KMO: variants seen among roughly 807,000 people sequenced by gnomAD.
KMO encodes kynurenine 3-hydroxylase.
KMO carries 24 observed loss-of-function variants against 57.8 expected under a neutral mutation model. The observed-to-expected ratio is 0.42, with a 90% CI of 0.30 to 0.58. The LOEUF (loss-of-function observed/expected upper bound fraction) is 0.58, where lower values mean the gene tolerates loss of function less well. Ranked by LOEUF, KMO falls within the 20% of genes least tolerant of loss-of-function variation. KMO has a pLI of 0.22. For synonymous variants in KMO, 210 were observed against 193.6 expected (o/e 1.08, Z -0.70); for missense variants, 483 against 588.2 (o/e 0.82, Z 1.85).
At chr1:241,554,255 CT>C (rs1661520804) in intron 4 of KMO, among the ~76,000 whole-genome samples, 2 of 149,528 alleles carry the variant, frequency 1.3e-5, no homozygotes, top group African/African-American at 4.9e-5. Flanking sequence ...TCCTTCCTTC[CT>C]TCCTTCCTTC....
chr1:241,579,786 C>T (rs943786696), intron 10 of KMO, among the ~76,000 whole-genome samples: 1 of 152,148 alleles, frequency 6.6e-6, no homozygotes. Context: ...CCAGTTCTGG[C>T]CAAGAGAGTT....
At chr1:241,542,612 G>A (rs1660998438) in intron 1 of KMO, among the ~76,000 whole-genome samples, 2 of 152,214 alleles carry the variant, frequency 1.3e-5, no homozygotes. Flanking sequence ...GAACAGTCCT[G>A]TCTCTATTAA....
intron 10 of KMO, among the ~76,000 whole-genome samples, chr1:241,575,165 T>A (rs1473354270): frequency 6.6e-6 from 1 of 152,112 alleles, no homozygotes; most frequent in Non-Finnish European, 1.5e-5. Context: ...TTATATTTTC[T>A]TGGTTAAACT....
At position 241,548,853 on chromosome 1, in the gene KMO, C is replaced by T; in HGVS notation, c.79C>T (p.Leu27Phe). Residue 27 changes from leucine to phenylalanine, a missense_variant, in exon 2 of 15, where the codon CTT becomes TTT. Coordinates refer to ENST00000366559, the MANE Select transcript of KMO (RefSeq NM_003679.5). ...GLVGSLQACF[L>F]AKRNFQIDVY... ...GGTTGGCTCATTACAAGCATGCTTT[C>T]TTGCAAAGAGGAATTTCCAGATTGA... The T allele has an allele frequency of 6.2e-7, 1 of 1,603,946 alleles. No individual in the cohort carries two copies. Among genetic ancestry groups the T allele is most frequent in the Non-Finnish European group, 8.5e-7 (1 of 1,171,464 alleles).
intron 1 of KMO, among the ~76,000 whole-genome samples, chr1:241,536,797 C>A (rs181642015): frequency 6.6e-6 from 1 of 152,090 alleles, no homozygotes; most frequent in Non-Finnish European, 1.5e-5. Context: ...GAGATTTGTA[C>A]GTATTTTGAC....
chr1:241,569,920 T>C (rs1662215542), intron 10 of KMO, among the ~76,000 whole-genome samples: 1 of 152,082 alleles, frequency 6.6e-6, no homozygotes, highest in Non-Finnish European at 1.5e-5. Context: ...TAGCAATTTT[T>C]CATATACCCA....
chr1:241,548,428 G>A (rs1013668266), intron 1 of KMO, among the ~76,000 whole-genome samples: 2 of 152,120 alleles, frequency 1.3e-5, no homozygotes, highest in Non-Finnish European at 2.9e-5. Flanking sequence ...CTGGGGAGGA[G>A]GTGGGGGGAG....
chr1:241,594,457 C>A lies in KMO; in HGVS notation c.*2304C>A. On this transcript the variant is annotated 3_prime_UTR_variant, in exon 15 of 15. Coordinates refer to ENST00000366559, the MANE Select transcript of KMO (RefSeq NM_003679.5). ...AAAGGACGAACTTGGATTACATCAA[C>A]TTTGGACCCATTGGTTTTGTCGCTG... is the stretch of plus-strand genomic sequence containing the variant. 6.2e-7 allele frequency: 1 copy of A among 1,614,074 alleles called. No homozygotes were observed. The highest frequency in any genetic ancestry group is 8.5e-7 in the Non-Finnish European group (1 of 1,179,978).
At chr1:241,590,714 T>A (rs978839187) in intron 14 of KMO, among the ~76,000 whole-genome samples, 5 of 152,076 alleles carry the variant, frequency 3.3e-5, no homozygotes, top group Admixed American at 3.3e-4. Context: ...TCTTCCACTT[T>A]GGGGATTTTA....
chr1:241,568,475 A>G (rs765658578), intron 9 of KMO, 25 bp from the exon 10 acceptor site: 27 of 1,609,942 alleles, frequency 1.7e-5, no homozygotes, highest in Non-Finnish European at 1.8e-5. Flanking sequence ...TGATGTCTTT[A>G]TATTCGGATT....
chr1:241,558,354 T>C (rs1661714938), intron 5 of KMO, among the ~76,000 whole-genome samples: 1 of 152,238 alleles, frequency 6.6e-6, no homozygotes, highest in African/African-American at 2.4e-5. Flanking sequence ...TCTTAAACTT[T>C]GTTGGGCATA....
intron 10 of KMO, among the ~76,000 whole-genome samples, chr1:241,573,343 T>G (rs2147971671): frequency 6.6e-6 from 1 of 152,254 alleles, no homozygotes; most frequent in South Asian, 2.1e-4. Context: ...CCATGAATTC[T>G]TTGCCTAGGC....
chr1:241,563,567 G>T (rs1661958900), intron 7 of KMO, among the ~76,000 whole-genome samples: 2 of 152,222 alleles, frequency 1.3e-5, no homozygotes, highest in South Asian at 4.1e-4. Flanking sequence ...GATAGCTTCT[G>T]CTCTCATGGC....
chr1:241,568,471 C>A, intron 9 of KMO, 29 bp from the exon 10 acceptor site: 1 of 1,608,076 alleles, frequency 6.2e-7, no homozygotes, highest in Non-Finnish European at 8.5e-7. Context: ...AATTTGATGT[C>A]TTTATATTCG....
chr1:241,579,371 G>A (rs1265209774), intron 10 of KMO, among the ~76,000 whole-genome samples: 2 of 152,040 alleles, frequency 1.3e-5, no homozygotes, highest in African/African-American at 4.8e-5. Context: ...AGGGTAGGTG[G>A]AGGGGTGAAG....
rs1024790231 is a variant in KMO at position 241,574,489 on chromosome 1, T to A, written c.957+5842T>A. Among the ~76,000 whole-genome samples, 3 of 151,924 alleles carry A rather than the reference T, an allele frequency of 2.0e-5. No homozygotes were observed. The East Asian group carries it at 5.8e-4, about 29-fold the overall frequency. On this transcript the variant is annotated intron_variant, in intron 10 of 14. Transcript: ENST00000366559. ...GTTTTCATCATAAAGTGATTCTGGA[T>A]TTTATAGAATGCTTTTTCTGCAACT...
intron 10 of KMO, among the ~76,000 whole-genome samples, chr1:241,582,559 C>T (rs1232504563): frequency 2.0e-5 from 3 of 152,108 alleles, no homozygotes; most frequent in Non-Finnish European, 4.4e-5. Flanking sequence ...TTGAGAGACT[C>T]TGATGCATTT....
intron 8 of KMO, 111 bp from the exon 9 acceptor site, chr1:241,566,380 C>T: frequency 8.3e-7 from 1 of 1,201,634 alleles, no homozygotes; most frequent in Non-Finnish European, 1.2e-6. Context: ...TTGGACATTC[C>T]TTCCAAAAGC....
At position 241,588,342 on chromosome 1, in the gene KMO, T is replaced by C. The variant is rs1200406586; in HGVS notation, c.1016-406T>C. Among the ~76,000 whole-genome samples the C allele has an allele frequency of 2.1e-5, 3 of 143,932 alleles. No homozygotes were observed. The East Asian group carries it at 6.0e-4, about 29-fold the overall frequency. 94.4% of individuals were successfully genotyped at this position (143,932 alleles called of 152,430 possible). ...CATCTTTTTTTTCTTTTTTTTTTTTTTTTTTTTTTTTGGTTATTTCCCAGT... is the reference window on the plus strand; with the variant it reads ...CATCTTTTTTTTCTTTTTTTTTTTTCTTTTTTTTTTTGGTTATTTCCCAGT... On this transcript the variant is annotated intron_variant, in intron 11 of 14. Transcript: ENST00000366559.
Sources: allele counts gnomAD v4.1 joint callset (sites outside exome capture counted in the v4.1 genomes callset), GRCh38; gene constraint gnomAD v4.1.1; transcripts MANE v1.5; gene names NCBI Gene and HGNC (gene_info 2026-07-23, HGNC 2026-07-21).